The following DOCK1 variants were observed in gnomAD, a reference collection of about 807,000 sequenced individuals.
DOCK1 encodes dedicator of cytokinesis protein 1.
A neutral mutation model predicts 262.7 loss-of-function variants in DOCK1; 138 were observed. That is an observed-to-expected ratio of 0.53 (90% CI 0.46 to 0.61). The LOEUF (loss-of-function observed/expected upper bound fraction) is 0.61, where lower values mean the gene tolerates loss of function less well. Among genes scored for constraint, DOCK1 ranks in the 20% least tolerant of loss-of-function variants. The pLI is 0.00. For synonymous variants in DOCK1, 866 were observed against 867.4 expected, an observed-to-expected ratio of 1.00 and a Z score of 0.03; for missense variants, 1,908 against 2,370.7, an observed-to-expected ratio of 0.80 and a Z score of 4.05.
At chr10:127,415,289 A>T in intron 44 of DOCK1, 51 bp downstream of exon 44, 1 of 1,559,484 alleles carries the variant, frequency 6.4e-7, no homozygotes, top group Admixed American at 1.8e-5. Flanking sequence ...TCCTCAATAC[A>T]GTCTGCCACG....
chr10:127,401,114 G>T (rs530573913), intron 38 of DOCK1, among the ~76,000 whole-genome samples: 2 of 152,068 alleles, frequency 1.3e-5, no homozygotes, highest in South Asian at 4.2e-4. Context: ...CAAGAGGACA[G>T]CTCTGACCCC....
chr10:127,046,119 C>T (rs1458816641), intron 21 of DOCK1, among the ~76,000 whole-genome samples: 2 of 151,646 alleles, frequency 1.3e-5, no homozygotes, highest in East Asian at 1.9e-4. Flanking sequence ...TGAAGAATTC[C>T]CAAAATGTGT....
intron 48 of DOCK1, among the ~76,000 whole-genome samples, chr10:127,438,300 C>T (rs1030483947): frequency 1.3e-5 from 2 of 152,200 alleles, no homozygotes; most frequent in African/African-American, 4.8e-5. Flanking sequence ...TAGACACTAG[C>T]CTAAGATTCA....
intron 44 of DOCK1, 35 bp from the exon 45 acceptor site, chr10:127,418,330 T>C: frequency 6.4e-7 from 1 of 1,561,202 alleles, no homozygotes; most frequent in South Asian, 1.2e-5. Context: ...GAGGCAGCTG[T>C]GGGGCTGACA....
chr10:127,124,808 C>T (rs1391825195), intron 25 of DOCK1, among the ~76,000 whole-genome samples: 2 of 152,122 alleles, frequency 1.3e-5, no homozygotes, highest in East Asian at 1.9e-4. Context: ...CTCACCTTGG[C>T]ATAGATGAGA....
intron 1 of DOCK1, among the ~76,000 whole-genome samples, chr10:126,924,971 T>C (rs2134134075): frequency 6.6e-6 from 1 of 152,394 alleles, no homozygotes; most frequent in South Asian, 2.1e-4. Context: ...AGTCTACTGC[T>C]TACCTGCACA....
chr10:127,352,056 CA>C (rs1328780951), intron 31 of DOCK1, among the ~76,000 whole-genome samples: 2 of 151,334 alleles, frequency 1.3e-5, no homozygotes, highest in Non-Finnish European at 2.9e-5. Flanking sequence ...CAGCAACTGT[CA>C]TCTTCCACCT....
intron 25 of DOCK1, among the ~76,000 whole-genome samples, chr10:127,123,450 G>A (rs1592114874): frequency 6.6e-6 from 1 of 152,218 alleles, no homozygotes; most frequent in South Asian, 2.1e-4. Flanking sequence ...CTGGCAGGGC[G>A]GGGCTCAGAT....
chr10:126,921,546 A>T (rs1177214257), intron 1 of DOCK1, among the ~76,000 whole-genome samples: 1 of 152,154 alleles, frequency 6.6e-6, no homozygotes, highest in Non-Finnish European at 1.5e-5. Context: ...GTTGCCCGGG[A>T]CTAGGGGAGG....
chr10:126,932,786 A>G (rs952665628), intron 1 of DOCK1, among the ~76,000 whole-genome samples: 1 of 152,070 alleles, frequency 6.6e-6, no homozygotes, highest in African/African-American at 2.4e-5. Context: ...AATATCTCCA[A>G]GTCCCTCTCC....
At chr10:127,004,009 C>A (rs1006011933) in intron 10 of DOCK1, among the ~76,000 whole-genome samples, 1 of 151,768 alleles carries the variant, frequency 6.6e-6, no homozygotes, top group East Asian at 1.9e-4. Context: ...AATCCCAGAA[C>A]TTTAGGAGGC....
At chr10:127,088,369 G>A (rs374018020) in intron 23 of DOCK1, among the ~76,000 whole-genome samples, 3 of 152,118 alleles carry the variant, frequency 2.0e-5, no homozygotes, top group Non-Finnish European at 4.4e-5. Context: ...TGTCATTCCC[G>A]TGCTTGTGTT....
intron 6 of DOCK1, among the ~76,000 whole-genome samples, chr10:126,992,826 G>GT (rs61635923): frequency 0.97 from 147,748 of 151,950 alleles, 71,858 homozygotes; most frequent in East Asian, 1. Flanking sequence ...ATGATTTCAG[G>GT]TGGGGAGGTC....
chr10:127,048,106 G>A (rs1472709350), intron 21 of DOCK1, among the ~76,000 whole-genome samples: 2 of 152,140 alleles, frequency 1.3e-5, no homozygotes, highest in African/African-American at 4.8e-5. Context: ...CTCCAAAAGG[G>A]TTGTACCATA....
At chr10:126,985,315 C>T (rs2039301654) in intron 4 of DOCK1, among the ~76,000 whole-genome samples, 1 of 152,188 alleles carries the variant, frequency 6.6e-6, no homozygotes, top group Non-Finnish European at 1.5e-5. Context: ...CCTTGATGCA[C>T]TTTCCCTCAG....
chr10:127,233,242 T>C (rs1337560017), intron 27 of DOCK1, among the ~76,000 whole-genome samples: 1 of 152,194 alleles, frequency 6.6e-6, no homozygotes, highest in Non-Finnish European at 1.5e-5. Context: ...ATTTGGTAAT[T>C]AGGAAGTGCA....
At chr10:126,953,908 G>A (rs1172579129) in intron 1 of DOCK1, among the ~76,000 whole-genome samples, 2 of 152,160 alleles carry the variant, frequency 1.3e-5, no homozygotes, top group African/African-American at 2.4e-5. Flanking sequence ...AACAGAAAAT[G>A]TGGAGAGATG....
intron 29 of DOCK1, among the ~76,000 whole-genome samples, chr10:127,290,634 G>A (rs1041689236): frequency 1.3e-4 from 20 of 152,108 alleles, no homozygotes; most frequent in African/African-American, 4.6e-4. Flanking sequence ...CTTTATCTGC[G>A]TAACTTTTTC....
intron 1 of DOCK1, 114 bp from the exon 2 acceptor site, chr10:126,970,588 C>A: frequency 1.3e-6 from 1 of 741,446 alleles, no homozygotes; most frequent in Non-Finnish European, 2.3e-6. Context: ...ATGCAGGCAG[C>A]GACTGAATGT....
Sources: allele counts gnomAD v4.1 joint callset (sites outside exome capture counted in the v4.1 genomes callset), GRCh38; gene constraint gnomAD v4.1.1; transcripts MANE v1.5; gene names NCBI Gene and HGNC (gene_info 2026-07-23, HGNC 2026-07-21).